Variants in ENPP3 observed in about 807,000 individuals in gnomAD.
The protein encoded by ENPP3 is ectonucleotide pyrophosphatase/phosphodiesterase 3.
Under a neutral mutation model 117.8 loss-of-function variants are expected in ENPP3, and 104 were observed. The ratio of observed to expected loss-of-function variants is 0.88; its 90% CI spans 0.75 to 1.04. The LOEUF is 1.04. Among genes scored for constraint, ENPP3 ranks in the 50% least tolerant of loss-of-function variants. ENPP3 has a pLI of 0.00. For synonymous variants in ENPP3, 380 were observed against 349.9 expected (o/e 1.09, Z -0.96); for missense variants, 1,026 against 1,051.9 (o/e 0.98, Z 0.34).
intron 24 of ENPP3, among the ~76,000 whole-genome samples, chr6:131,741,652 A>G (rs1302229414): frequency 1.3e-5 from 2 of 152,194 alleles, no homozygotes; most frequent in African/African-American, 4.8e-5. Context: ...CCCCCACCCC[A>G]AAAGGAAACT....
intron 15 of ENPP3, among the ~76,000 whole-genome samples, chr6:131,702,290 A>G (rs1779556406): frequency 6.6e-6 from 1 of 150,768 alleles, no homozygotes; most frequent in Non-Finnish European, 1.5e-5. Context: ...TCGACATACC[A>G]TCAGCCAAAT....
chr6:131,735,469 AGTTACCCAGG>A (rs1317869244), intron 21 of ENPP3, among the ~76,000 whole-genome samples: 2 of 152,142 alleles, frequency 1.3e-5, no homozygotes, highest in South Asian at 4.1e-4. Flanking sequence ...TTGAATAATT[AGTTACCCAGG>A]CAGGATGGTG....
chr6:131,675,013 C>A, intron 8 of ENPP3, 67 bp from the exon 9 acceptor site: 1 of 888,384 alleles, frequency 1.1e-6, no homozygotes, highest in Non-Finnish European at 1.9e-6. Flanking sequence ...TGTTTAGTTT[C>A]TAGTAAGGTA....
At chr6:131,686,996 G>A (rs554939455) in intron 14 of ENPP3, among the ~76,000 whole-genome samples, 1 of 152,238 alleles carries the variant, frequency 6.6e-6, no homozygotes, top group South Asian at 2.1e-4. Flanking sequence ...TGTCTTTTTG[G>A]TAGAATGTTT....
intron 24 of ENPP3, among the ~76,000 whole-genome samples, chr6:131,742,838 G>A (rs148181216): frequency 3.3e-5 from 5 of 152,158 alleles, no homozygotes; most frequent in South Asian, 2.1e-4. Context: ...CCATCTGGGC[G>A]TCAAGGTAAA....
At chr6:131,709,646 A>T (rs767913408) in intron 15 of ENPP3, 1 of 1,612,178 alleles carries the variant, frequency 6.2e-7, no homozygotes, top group East Asian at 2.2e-5. Context: ...CTTTTCTCGT[A>T]GGAAATAACC....
intron 14 of ENPP3, among the ~76,000 whole-genome samples, chr6:131,687,506 G>A (rs765764457): frequency 7.9e-4 from 120 of 152,062 alleles, no homozygotes; most frequent in Non-Finnish European, 1.7e-3. Flanking sequence ...ACAAAAAATA[G>A]GTGAGACCTA....
chr6:131,677,428 C>T (rs1778893907), intron 10 of ENPP3, among the ~76,000 whole-genome samples: 1 of 152,080 alleles, frequency 6.6e-6, no homozygotes, highest in Non-Finnish European at 1.5e-5. Context: ...ACTCCAAGAG[C>T]ACAAGGTGCT....
At chr6:131,677,989 A>T in intron 11 of ENPP3, 49 bp downstream of exon 11, 2 of 1,102,250 alleles carry the variant, frequency 1.8e-6, no homozygotes, top group Non-Finnish European at 2.7e-6. Context: ...AAATCATCTA[A>T]CCCTAACCCA....
At chr6:131,738,004 T>C (rs1216934387) in intron 22 of ENPP3, 27 bp from the exon 23 acceptor site, 1 of 1,532,628 alleles carries the variant, frequency 6.5e-7, no homozygotes, top group African/African-American at 1.4e-5. Flanking sequence ...AGTGGACATT[T>C]TAAACACTTT....
Position 131,746,820 on chromosome 6 carries a change from G to A in ENPP3, c.2492G>A (p.Arg831Lys). 6.2e-7 allele frequency: 1 copy of A among 1,610,930 alleles called. No homozygotes were observed. ...GKPEALWVEE[R>K]FTAHIARVRD... Reference sequence around the variant, plus strand: ...CCAGAAGCTCTTTGGGTTGAAGAAAGATTTACAGCTCACATTGCCCGGGTC... The same window carrying A: ...CCAGAAGCTCTTTGGGTTGAAGAAAAATTTACAGCTCACATTGCCCGGGTC... The change falls in exon 25 of 25, where the codon AGA becomes AAA. Residue 831 changes from arginine to lysine, a missense_variant. By Grantham distance (26) the Arg-to-Lys change is conservative. Transcript: ENST00000357639.
intron 2 of ENPP3, among the ~76,000 whole-genome samples, chr6:131,642,157 G>A (rs1408384980): frequency 6.6e-6 from 1 of 151,914 alleles, no homozygotes; most frequent in African/African-American, 2.4e-5. Context: ...TGCTCCCACT[G>A]TCATTTTCAA....
At chr6:131,692,994 GATACAGTT>G (rs1779318867) in intron 14 of ENPP3, among the ~76,000 whole-genome samples, 2 of 124,332 alleles carry the variant, frequency 1.6e-5, no homozygotes, top group South Asian at 2.6e-4. Flanking sequence ...AACTATATAT[GATACAGTT>G]ATATATAATA....
chr6:131,711,983 A>G (rs1179885225), intron 15 of ENPP3, among the ~76,000 whole-genome samples: 2 of 131,086 alleles, frequency 1.5e-5, no homozygotes, highest in Non-Finnish European at 3.0e-5. Flanking sequence ...GAATAACACT[A>G]GACAATGCTA....
chr6:131,746,281 C>A (rs1475836552), intron 24 of ENPP3, among the ~76,000 whole-genome samples: 1 of 151,748 alleles, frequency 6.6e-6, no homozygotes, highest in African/African-American at 2.4e-5. Context: ...TATCACAAAC[C>A]ACAGCTAAGA....
At chr6:131,727,518 A>T (rs1188742386) in intron 20 of ENPP3, among the ~76,000 whole-genome samples, 3 of 144,392 alleles carry the variant, frequency 2.1e-5, no homozygotes, top group Non-Finnish European at 3.0e-5. Flanking sequence ...TCGCGCCATT[A>T]CACTCCAGCC....
At chr6:131,743,474 C>T (rs1462541024) in intron 24 of ENPP3, among the ~76,000 whole-genome samples, 3 of 152,016 alleles carry the variant, frequency 2.0e-5, no homozygotes, top group Non-Finnish European at 4.4e-5. Flanking sequence ...AACCCTAAGA[C>T]TTCCCAATAT....
intron 2 of ENPP3, among the ~76,000 whole-genome samples, chr6:131,647,376 G>C (rs1365666429): frequency 6.6e-6 from 1 of 152,052 alleles, no homozygotes; most frequent in Non-Finnish European, 1.5e-5. Flanking sequence ...TGTACATTAA[G>C]ACTGTTTCAG....
In ENPP3 at chr6:131,746,770, T is replaced by C. The variant is rs1780643871; in HGVS notation, c.2458-16T>C. On this transcript the variant is annotated splice_polypyrimidine_tract_variant and intron_variant, in intron 24 of 24. Transcript: ENST00000357639. Reference sequence around the variant, plus strand: ...CTGCCTTGTGAAAAAAAAAGTGTTGTGCTTTTCTTTTTCAGGAAGGTAAAC... The same window carrying C: ...CTGCCTTGTGAAAAAAAAAGTGTTGCGCTTTTCTTTTTCAGGAAGGTAAAC... 5.7e-6 allele frequency: 9 copies of C among 1,588,212 alleles called. No individual in the cohort carries two copies. The highest frequency in any genetic ancestry group is 7.7e-6 in the Non-Finnish European group (9 of 1,171,736).
Sources: allele counts gnomAD v4.1 joint callset (sites outside exome capture counted in the v4.1 genomes callset), GRCh38; gene constraint gnomAD v4.1.1; transcripts MANE v1.5; gene names NCBI Gene and HGNC (gene_info 2026-07-23, HGNC 2026-07-21).